Variants in EMC2 observed in about 807,000 individuals in gnomAD.
EMC2 encodes TPR repeat protein 35.
Under a neutral mutation model 51.6 loss-of-function variants are expected in EMC2, and 37 were observed. The observed-to-expected ratio is 0.72, with a 90% CI of 0.55 to 0.94. EMC2 has a LOEUF of 0.94. Ranked by LOEUF, EMC2 falls within the 40% of genes least tolerant of loss-of-function variation. The pLI is 0.00. For synonymous variants in EMC2, 131 were observed against 112.4 expected, an observed-to-expected ratio of 1.17 and a Z score of -1.04; for missense variants, 359 against 350.9, an observed-to-expected ratio of 1.02 and a Z score of -0.18.
intron 1 of EMC2, chr8:108,446,434 G>A (rs1175182656): frequency 4.2e-6 from 1 of 240,838 alleles, no homozygotes; most frequent in East Asian, 1.0e-4. Flanking sequence ...TTTAGCATGG[G>A]GTGATGAAAG....
chr8:108,458,500 A>T (rs976974818), intron 5 of EMC2, among the ~76,000 whole-genome samples: 1 of 152,166 alleles, frequency 6.6e-6, no homozygotes, highest in African/African-American at 2.4e-5. Context: ...CTAAACCTCA[A>T]TTCTTGACTT....
chr8:108,450,010 T>C, intron 2 of EMC2, 74 bp downstream of exon 2: 12 of 567,948 alleles, frequency 2.1e-5, no homozygotes, highest in Non-Finnish European at 3.4e-5. Context: ...AACTGTTCTT[T>C]CATTCATGAT....
At chr8:108,447,329 A>C (rs191373137) in intron 1 of EMC2, among the ~76,000 whole-genome samples, 2 of 152,206 alleles carry the variant, frequency 1.3e-5, no homozygotes, top group African/African-American at 4.8e-5. Flanking sequence ...GCATTAAAAT[A>C]AATTAACCCT....
intron 5 of EMC2, among the ~76,000 whole-genome samples, chr8:108,466,442 ATTTTTTTTTTTTTTTT>A (rs869102478): frequency 2.2e-5 from 2 of 91,036 alleles, no homozygotes; most frequent in Non-Finnish European, 4.0e-5. Context: ...CTATGATAGA[ATTTTTTTTTTTTTTTT>A]TTTTTTTTTT....
At chr8:108,454,747 C>T (rs1819111991) in intron 4 of EMC2, among the ~76,000 whole-genome samples, 1 of 151,966 alleles carries the variant, frequency 6.6e-6, no homozygotes, top group Admixed American at 6.6e-5. Context: ...CAGCTTTTAA[C>T]ATTTCTTGAA....
chr8:108,450,412 CT>C lies in EMC2; in HGVS notation c.155-13del. The stretch of plus-strand genomic sequence containing the variant: ...AATATTAAATTCAGTTTTTTTCCCC[CT>C]TTATGTGTATCTAGTTTGGATCATA... On this transcript the variant is annotated splice_polypyrimidine_tract_variant and intron_variant, in intron 2 of 10. Coordinates refer to ENST00000220853, the MANE Select transcript of EMC2 (RefSeq NM_014673.5). 1 of 1,533,894 alleles carries C rather than the reference CT, an allele frequency of 6.5e-7. No homozygotes were observed. The highest frequency in any genetic ancestry group is 9.0e-7 in the Non-Finnish European group (1 of 1,109,206).
At chr8:108,469,261 T>A (rs2130386330) in intron 5 of EMC2, among the ~76,000 whole-genome samples, 1 of 152,348 alleles carries the variant, frequency 6.6e-6, no homozygotes, top group Admixed American at 6.5e-5. Flanking sequence ...GCATTGATTT[T>A]TATGTTTATC....
rs779398919 is a variant in EMC2, at chr8:108,469,951, T to C, written c.449+40T>C. ...AGAGGATTGTGTTTTGTTATTCTGA[T>C]AAATCTTTTTTAATTAAAATGGAAT... On this transcript the variant is annotated intron_variant, in intron 6 of 10. Transcript: ENST00000220853. The C allele has an allele frequency of 2.6e-6, 4 of 1,561,848 alleles. No individual in the cohort carries two copies. The African/African-American group carries it at 5.4e-5, about 21-fold the overall frequency.
intron 5 of EMC2, among the ~76,000 whole-genome samples, chr8:108,458,124 A>C (rs770473188): frequency 6.6e-6 from 1 of 152,242 alleles, no homozygotes; most frequent in Non-Finnish European, 1.5e-5. Flanking sequence ...TCCATGTCTC[A>C]CATCCAGGTA....
In EMC2 at chr8:108,486,488, CTTTT is replaced by C; in HGVS notation, c.808-10_808-7del. 7.6e-7 allele frequency: 1 copy of C among 1,324,068 alleles called. No individual in the cohort carries two copies. The highest frequency in any genetic ancestry group is 1.9e-5 in the South Asian group (1 of 51,890). 82.0% of individuals were successfully genotyped at this position (1,324,068 alleles called of 1,614,324 possible). ...GCCACTGAAATTGAGCCTAATTGAG[CTTTT>C]TTTTTTTTTTTTTAATTAGTTTGCA... On this transcript the variant is annotated intron_variant, in intron 10 of 10. Transcript: ENST00000220853.
Position 108,452,290 on chromosome 8 carries a change from G to A in EMC2, c.220-772G>A, listed in dbSNP as rs1363635834. Among the ~76,000 whole-genome samples, 3 of 152,286 alleles carry A rather than the reference G, an allele frequency of 2.0e-5. No homozygotes were observed. The East Asian group carries it at 5.8e-4, about 29-fold the overall frequency. On this transcript the variant is annotated intron_variant, in intron 3 of 10. Transcript: ENST00000220853. The stretch of plus-strand genomic sequence containing the variant: ...GATTGAAAGGATGATTGATTGGCTG[G>A]GTGCGGTGGCTCATGCCTGTAATCC...
At chr8:108,463,206 G>A (rs901633759) in intron 5 of EMC2, among the ~76,000 whole-genome samples, 1 of 152,156 alleles carries the variant, frequency 6.6e-6, no homozygotes, top group African/African-American at 2.4e-5. Flanking sequence ...AATATCATCA[G>A]TTAGTTTTAG....
intron 7 of EMC2, among the ~76,000 whole-genome samples, chr8:108,471,596 C>A (rs1586189146): frequency 1.3e-5 from 2 of 151,708 alleles, no homozygotes; most frequent in East Asian, 3.9e-4. Flanking sequence ...TTATACTTTC[C>A]CTTAGTTATA....
At chr8:108,457,169 G>C (rs1819186212) in intron 5 of EMC2, among the ~76,000 whole-genome samples, 1 of 152,120 alleles carries the variant, frequency 6.6e-6, no homozygotes, top group African/African-American at 2.4e-5. Flanking sequence ...ATTCTGTAAT[G>C]ATACTTATGT....
intron 3 of EMC2, among the ~76,000 whole-genome samples, 157 bp downstream of exon 3, chr8:108,450,649 A>G (rs564966234): frequency 1.3e-5 from 2 of 152,320 alleles, no homozygotes; most frequent in African/African-American, 4.8e-5. Flanking sequence ...AGGACAAAGT[A>G]TCTTATATCT....
chr8:108,476,716 A>T, intron 8 of EMC2, 66 bp from the exon 9 acceptor site: 1 of 753,042 alleles, frequency 1.3e-6, no homozygotes, highest in African/African-American at 1.7e-5. Flanking sequence ...CTATGGTATG[A>T]TGAAACCATG....
chr8:108,458,317 C>A (rs927129527), intron 5 of EMC2, among the ~76,000 whole-genome samples: 1 of 152,196 alleles, frequency 6.6e-6, no homozygotes, highest in Non-Finnish European at 1.5e-5. Context: ...CCTTTTCTCA[C>A]AGCTCCATTA....
intron 5 of EMC2, among the ~76,000 whole-genome samples, chr8:108,459,142 TTTCA>T (rs1363527989): frequency 6.6e-6 from 1 of 152,182 alleles, no homozygotes; most frequent in African/African-American, 2.4e-5. Flanking sequence ...TCGGCCTGAA[TTTCA>T]TTGTCCGTAT....
At chr8:108,472,563 G>C (rs1398343390) in intron 7 of EMC2, among the ~76,000 whole-genome samples, 1 of 151,112 alleles carries the variant, frequency 6.6e-6, no homozygotes, top group African/African-American at 2.4e-5. Flanking sequence ...TGAACACTTA[G>C]AAGGAATATT....
Sources: allele counts gnomAD v4.1 joint callset (sites outside exome capture counted in the v4.1 genomes callset), GRCh38; gene constraint gnomAD v4.1.1; transcripts MANE v1.5; gene names NCBI Gene and HGNC (gene_info 2026-07-23, HGNC 2026-07-21).